The following ZNF730 variants were observed in gnomAD, a reference collection of about 807,000 sequenced individuals.
ZNF730 encodes putative zinc finger protein 730.
A neutral mutation model predicts 12.6 loss-of-function variants in ZNF730; 12 were observed. That is an observed-to-expected ratio of 0.95 (90% CI 0.61 to 1.54). The LOEUF is 1.54. ZNF730 is among the 40% of genes most tolerant of loss of function. The pLI is 0.00. For synonymous variants in ZNF730, 194 were observed against 195.8 expected (o/e 0.99, Z 0.08); for missense variants, 643 against 583.5 (o/e 1.10, Z -1.05).
chr19:23,119,536 G>C (rs1373385541), intron 1 of ZNF730, among the ~76,000 whole-genome samples: 3 of 152,196 alleles, frequency 2.0e-5, no homozygotes, highest in Non-Finnish European at 4.4e-5. Flanking sequence ...TTAGAATGAT[G>C]CTGTTGCCAG....
intron 3 of ZNF730, among the ~76,000 whole-genome samples, chr19:23,141,270 C>G (rs1970914794): frequency 6.6e-6 from 1 of 151,916 alleles, no homozygotes; most frequent in Admixed American, 6.6e-5. Context: ...TGGCGGGCAC[C>G]TGTACTCCCA....
intron 1 of ZNF730, chr19:23,123,609 T>A (rs887999799): frequency 6.7e-6 from 1 of 150,000 alleles, no homozygotes; most frequent in Non-Finnish European, 1.5e-5. Flanking sequence ...CTTATAAAAT[T>A]CTGCTGAGAA....
At chr19:23,130,285 C>T (rs948892219) in intron 1 of ZNF730, among the ~76,000 whole-genome samples, 3 of 152,130 alleles carry the variant, frequency 2.0e-5, no homozygotes, top group African/African-American at 7.2e-5. Flanking sequence ...CTCTCTTTGC[C>T]TGCCACTATC....
rs756298772 is a variant in ZNF730 at position 23,146,179 on chromosome 19, C to A, written c.1135C>A (p.Gln379Lys). 2 of 1,608,436 alleles carry A rather than the reference C, an allele frequency of 1.2e-6. No homozygotes were observed. The highest frequency in any genetic ancestry group is 2.7e-5 in the African/African-American group (2 of 74,536). ...KYKECGKAFN[Q>K]SSTLTIHKII... Reference sequence around the variant, plus strand: ...TAAAGAATGTGGTAAAGCTTTTAACCAATCCTCAACTCTTACTATACATAA... The same window carrying A: ...TAAAGAATGTGGTAAAGCTTTTAACAAATCCTCAACTCTTACTATACATAA... Residue 379 changes from glutamine (Q) to lysine (K), a missense_variant, in exon 4 of 4, where the codon CAA (glutamine) becomes AAA (lysine). Transcript: ENST00000597761.
chr19:23,122,779 T>C (rs1441789137), intron 1 of ZNF730, among the ~76,000 whole-genome samples: 2 of 152,240 alleles, frequency 1.3e-5, no homozygotes, highest in Non-Finnish European at 2.9e-5. Context: ...CTACAATATT[T>C]GAATAAATCC....
chr19:23,143,231 C>T (rs1405401189), intron 3 of ZNF730, among the ~76,000 whole-genome samples: 2 of 151,144 alleles, frequency 1.3e-5, no homozygotes, highest in Admixed American at 6.6e-5. Flanking sequence ...GGGGACAGAG[C>T]GAGACTCCGT....
In ZNF730 at chr19:23,145,864, CAT is replaced by C; in HGVS notation, c.822_823del (p.His274GlnfsTer11). On this transcript the variant is annotated frameshift_variant, in exon 4 of 4. Coordinates refer to ENST00000597761, the MANE Select transcript of ZNF730 (RefSeq NM_001277403.2). LOFTEE classifies it low-confidence loss of function (END_TRUNC). ...TAACCAATCCACAAACCTTACTACA[CAT>C]AAAAGAATTCATACTGGAGAGAAAC... ...FFNQSTNLTT[H>X]KRIHTGEKPY... is the part of the protein sequence containing the mutation. The C allele has an allele frequency of 6.2e-7, 1 of 1,609,378 alleles. No individual in the cohort carries two copies.
intron 1 of ZNF730, chr19:23,127,867 G>A: frequency 1.5e-6 from 1 of 659,012 alleles, no homozygotes; most frequent in East Asian, 2.5e-5. Context: ...TATAGAAGAG[G>A]ATGTGATATT....
intron 1 of ZNF730, chr19:23,126,947 C>T: frequency 3.9e-6 from 2 of 516,834 alleles, no homozygotes; most frequent in South Asian, 3.0e-5. Flanking sequence ...CATCAGCAGA[C>T]ACTCATGCTT....
intron 1 of ZNF730, among the ~76,000 whole-genome samples, chr19:23,125,346 C>T (rs954892163): frequency 6.6e-5 from 10 of 152,092 alleles, no homozygotes; most frequent in African/African-American, 2.4e-4. Flanking sequence ...GTTTGGAGGT[C>T]TCAGAAGACA....
At chr19:23,134,004 T>C (rs776486172) in intron 1 of ZNF730, 76 bp from the exon 2 acceptor site, 17 of 1,574,304 alleles carry the variant, frequency 1.1e-5, no homozygotes, top group Non-Finnish European at 1.5e-5. Context: ...TATTTACTCT[T>C]ATTTCACCTT....
chr19:23,117,263 C>T, intron 1 of ZNF730, 87 bp downstream of exon 1: 1 of 1,604,492 alleles, frequency 6.2e-7, no homozygotes, highest in South Asian at 1.1e-5. Flanking sequence ...CCAGGCCTCC[C>T]CGCAGTCAGC....
chr19:23,082,125 CTCT>C (rs904931167), intron 1 of ZNF730, among the ~76,000 whole-genome samples: 5 of 152,080 alleles, frequency 3.3e-5, no homozygotes, highest in African/African-American at 4.8e-5. Context: ...CCAGAACTTA[CTCT>C]TCTTCTTTAA....
At chr19:23,097,853 T>G (rs1005080220) in intron 1 of ZNF730, among the ~76,000 whole-genome samples, 1 of 152,140 alleles carries the variant, frequency 6.6e-6, no homozygotes, top group African/African-American at 2.4e-5. Context: ...AAGGAGGTAT[T>G]GTGGGCCAGG....
chr19:23,144,353 G>A (rs906778962), intron 3 of ZNF730: 3 of 152,066 alleles, frequency 2.0e-5, no homozygotes, highest in Non-Finnish European at 4.4e-5. Context: ...CTTAAAATGT[G>A]TCTTGTCTAA....
At chr19:23,131,421 C>G (rs958567642) in intron 1 of ZNF730, among the ~76,000 whole-genome samples, 2 of 152,236 alleles carry the variant, frequency 1.3e-5, no homozygotes, top group African/African-American at 4.8e-5. Context: ...GAATAATAAA[C>G]ATTGCATTAC....
Position 23,146,897 on chromosome 19 carries a change from G to A in ZNF730, c.*341G>A. On this transcript the variant is annotated 3_prime_UTR_variant, in exon 4 of 4. Transcript: ENST00000597761. ...AGAGAGAAACTCTACAAACCTGAAA[G>A]TTTTAACAGTGCTTTTGACAACACC... 1 of 548,932 alleles carries A rather than the reference G, an allele frequency of 1.8e-6. No individual in the cohort carries two copies. Among genetic ancestry groups the A allele is most frequent in the Non-Finnish European group, 3.3e-6 (1 of 305,062 alleles). 34.0% of individuals were successfully genotyped at this position (548,932 alleles called of 1,614,324 possible).
chr19:23,093,083 C>A (rs376546294), intron 1 of ZNF730, among the ~76,000 whole-genome samples: 1 of 152,096 alleles, frequency 6.6e-6, no homozygotes, highest in Admixed American at 6.6e-5. Flanking sequence ...CTCCGCCTCC[C>A]GGGTTCAAGT....
Position 23,146,272 on chromosome 19 carries a change from C to T in ZNF730, c.1228C>T (p.His410Tyr), listed in dbSNP as rs1326995374. 1.2e-6 allele frequency: 2 copies of T among 1,611,312 alleles called. No homozygotes were observed. Among genetic ancestry groups the T allele is most frequent in the African/African-American group, 1.3e-5 (1 of 74,168 alleles). Residue 410 changes from histidine (H) to tyrosine (Y), a missense_variant, in exon 4 of 4, where the codon CAC (histidine) becomes TAC (tyrosine). Transcript: ENST00000597761. ...TGGCAAAGCCTTTAGCCGTATCTCA[C>T]ACCTTACTACACATAAGAGAATTCA... Reference protein sequence around the residue: ...ECGKAFSRISHLTTHKRIHTG... With the variant: ...ECGKAFSRISYLTTHKRIHTG...
Sources: allele counts gnomAD v4.1 joint callset (sites outside exome capture counted in the v4.1 genomes callset), GRCh38; gene constraint gnomAD v4.1.1; transcripts MANE v1.5; gene names NCBI Gene and HGNC (gene_info 2026-07-23, HGNC 2026-07-21).